Variants in DNAH11 observed in about 807,000 individuals in gnomAD.
DNAH11 encodes axonemal beta dynein heavy chain 11.
In DNAH11, 442 loss-of-function variants were observed where a neutral mutation model predicts 526.0. The ratio of observed to expected loss-of-function variants is 0.84; its 90% CI spans 0.78 to 0.91. DNAH11 has a LOEUF of 0.91. Among genes scored for constraint, DNAH11 ranks in the 40% least tolerant of loss-of-function variants. The pLI is 0.00. For missense variants in DNAH11, 6,989 were observed against 5,448.7 expected (o/e 1.28, Z -8.90); for synonymous variants, 2,461 against 1,935.9 (o/e 1.27, Z -7.12).
intron 45 of DNAH11, among the ~76,000 whole-genome samples, chr7:21,730,609 C>T (rs1309479664): frequency 6.6e-6 from 1 of 152,148 alleles, no homozygotes; most frequent in Non-Finnish European, 1.5e-5. Context: ...ACAAATACTG[C>T]ATGATTTCAC....
At position 21,619,267 on chromosome 7, in the gene DNAH11, G is replaced by T. The variant is rs766469597; in HGVS notation, c.4377+45G>T. The T allele has an allele frequency of 2.5e-6, 4 of 1,588,184 alleles. No homozygotes were observed. The East Asian group carries it at 9.0e-5, about 36-fold the overall frequency. On this transcript the variant is annotated intron_variant, in intron 24 of 81. Transcript: ENST00000409508. ...GTCATTTCTACTTGGCTAATTTTGG[G>T]TATTTGCATAGAAGCCAACTTAGAG...
chr7:21,630,272 C>G (rs79926205), intron 25 of DNAH11, among the ~76,000 whole-genome samples: 5,070 of 151,984 alleles, frequency 0.033, 273 homozygotes, highest in African/African-American at 0.11. Context: ...TATTGTCTAT[C>G]TCTTAACCGT....
chr7:21,774,965 G>A (rs747082149), intron 56 of DNAH11, among the ~76,000 whole-genome samples: 3 of 152,280 alleles, frequency 2.0e-5, no homozygotes, highest in East Asian at 1.9e-4. Flanking sequence ...TGGTTTCCCC[G>A]AGTGGCCTGG....
In DNAH11 at chr7:21,619,346, C is replaced by T. The variant is rs68184450; in HGVS notation, c.4377+124C>T. On this transcript the variant is annotated intron_variant, in intron 24 of 81. Transcript: ENST00000409508. Reference sequence around the variant, plus strand: ...GGAGAGATGAGTCCCAGTTTGTTCCCTGCTGTTCATTAGGTGTGGGATGAG... The same window carrying T: ...GGAGAGATGAGTCCCAGTTTGTTCCTTGCTGTTCATTAGGTGTGGGATGAG... 0.42 allele frequency: 464,502 copies of T among 1,107,462 alleles called. 100,944 individuals are homozygous for T. Among genetic ancestry groups the T allele is most frequent in the East Asian group, 0.71 (26,743 of 37,780 alleles). 68.6% of individuals were successfully genotyped at this position (1,107,462 alleles called of 1,614,324 possible).
intron 63 of DNAH11, among the ~76,000 whole-genome samples, chr7:21,813,379 A>G (rs532759668): frequency 1.3e-5 from 2 of 152,338 alleles, no homozygotes; most frequent in East Asian, 1.9e-4. Flanking sequence ...GTCCTAAGCA[A>G]TAAAATAGAG....
At chr7:21,565,311 C>T (rs979830327) in intron 6 of DNAH11, among the ~76,000 whole-genome samples, 2 of 152,148 alleles carry the variant, frequency 1.3e-5, no homozygotes, top group African/African-American at 2.4e-5. Context: ...ATCTTTACAA[C>T]CTCATTTAAT....
intron 68 of DNAH11, among the ~76,000 whole-genome samples, chr7:21,859,501 A>G (rs966402156): frequency 6.6e-6 from 1 of 152,196 alleles, no homozygotes; most frequent in Non-Finnish European, 1.5e-5. Flanking sequence ...AAAAAATCCA[A>G]AATCTGAAAC....
chr7:21,709,834 A>G (rs1784395359), intron 40 of DNAH11, among the ~76,000 whole-genome samples: 1 of 152,148 alleles, frequency 6.6e-6, no homozygotes. Context: ...GTTCCATTAG[A>G]TACTGTCACT....
rs78406083 is a variant in DNAH11, at chr7:21,869,239, C to T, written c.11967+248C>T. ...AAATTAAAACTATTAGGAAGAACTT[C>T]GTCGTTCCCCTCACTTAGAGATATC... On this transcript the variant is annotated intron_variant, in intron 73 of 81. Coordinates refer to ENST00000409508, the MANE Select transcript of DNAH11 (RefSeq NM_001277115.2). Among the ~76,000 whole-genome samples, 574 of 152,326 alleles carry T rather than the reference C, an allele frequency of 3.8e-3. 4 individuals are homozygous for T. Among genetic ancestry groups the T allele is most frequent in the African/African-American group, 0.012 (512 of 41,582 alleles).
At chr7:21,683,729 C>T in intron 31 of DNAH11, 55 bp from the exon 32 acceptor site, 3 of 1,472,930 alleles carry the variant, frequency 2.0e-6, no homozygotes, top group Non-Finnish European at 2.7e-6. Context: ...AGATTAATAA[C>T]TTGTTGCCCC....
At chr7:21,550,287 C>G (rs528327812) in intron 2 of DNAH11, among the ~76,000 whole-genome samples, 29 of 152,142 alleles carry the variant, frequency 1.9e-4, no homozygotes, top group African/African-American at 5.8e-4. Context: ...AAGTCTGGCT[C>G]AGCACCAAGT....
chr7:21,717,726 G>A (rs371276404), intron 42 of DNAH11, 49 bp from the exon 43 acceptor site: 8 of 1,606,316 alleles, frequency 5.0e-6, no homozygotes, highest in Non-Finnish European at 6.0e-6. Flanking sequence ...GTGAAATTCT[G>A]CTTTTCAAGC....
chr7:21,702,196 A>G (rs1043017160), intron 36 of DNAH11, among the ~76,000 whole-genome samples: 2 of 152,124 alleles, frequency 1.3e-5, no homozygotes, highest in African/African-American at 2.4e-5. Context: ...TCTCAAAAAC[A>G]GATAATTGAA....
Position 21,738,715 on chromosome 7 carries a change from C to A in DNAH11, c.7660C>A (p.Pro2554Thr), listed in dbSNP as rs1364610167. 42 of 1,576,102 alleles carry A rather than the reference C, an allele frequency of 2.7e-5. No individual in the cohort carries two copies. The highest frequency in any genetic ancestry group is 3.4e-5 in the Non-Finnish European group (39 of 1,161,088). The change falls in exon 47 of 82, where the codon CCC becomes ACC. Residue 2554 changes from proline to threonine, a missense_variant. Pro to Thr is a conservative substitution (Grantham distance 38). Coordinates refer to ENST00000409508, the MANE Select transcript of DNAH11 (RefSeq NM_001277115.2). ...GTTTATTTCAGAAATTCTTGAGAAA[C>A]CCCTAGAGAAAAAAGCTGGTCATAA... ...STALQKILEK[P>T]LEKKAGHNYG...
Position 21,900,160 on chromosome 7 carries a change from C to G in DNAH11, c.13303+40C>G, listed in dbSNP as rs369868023. 24 of 1,577,280 alleles carry G rather than the reference C, an allele frequency of 1.5e-5. No individual in the cohort carries two copies. The East Asian group carries it at 5.2e-4, about 34-fold the overall frequency. ...GGGGTAAGTGGGGAACCTTTTCTTACTCAGGTTCAGATCAGTGTTTGTCCT... is the reference window on the plus strand; with the variant it reads ...GGGGTAAGTGGGGAACCTTTTCTTAGTCAGGTTCAGATCAGTGTTTGTCCT... On this transcript the variant is annotated intron_variant, in intron 81 of 81. Transcript: ENST00000409508.
At chr7:21,760,302 C>T (rs1180573383) in intron 54 of DNAH11, among the ~76,000 whole-genome samples, 3 of 152,116 alleles carry the variant, frequency 2.0e-5, no homozygotes, top group East Asian at 1.9e-4. Flanking sequence ...AATAAGGAGA[C>T]GCACACACCA....
At chr7:21,602,899 C>T (rs796322713) in intron 18 of DNAH11, among the ~76,000 whole-genome samples, 6 of 152,080 alleles carry the variant, frequency 3.9e-5, no homozygotes, top group African/African-American at 9.6e-5. Flanking sequence ...ATGTACTATT[C>T]GGATAACATA....
chr7:21,638,723 TG>T (rs1786982762), intron 27 of DNAH11, among the ~76,000 whole-genome samples: 3 of 151,760 alleles, frequency 2.0e-5, no homozygotes, highest in Non-Finnish European at 4.4e-5. Context: ...TGTGTGTGTG[TG>T]TGTGTGTGTA....
intron 40 of DNAH11, among the ~76,000 whole-genome samples, 183 bp downstream of exon 40, chr7:21,708,018 G>C (rs570657648): frequency 6.6e-6 from 1 of 152,280 alleles, no homozygotes; most frequent in East Asian, 1.9e-4. Context: ...ATAAATACTT[G>C]ATTTGCATTC....
Sources: gnomAD v4.1 joint callset for allele counts (sites outside exome capture counted in the v4.1 genomes callset) on GRCh38, gnomAD v4.1.1 for gene constraint, MANE v1.5 for transcripts, NCBI Gene and HGNC (gene_info 2026-07-23, HGNC 2026-07-21) for gene names.